The following MTUS1 variants were observed in gnomAD, a reference collection of about 807,000 sequenced individuals.
The protein encoded by MTUS1 is microtubule-associated tumor suppressor 1.
MTUS1 carries 109 observed loss-of-function variants against 120.8 expected under a neutral mutation model. The ratio of observed to expected loss-of-function variants is 0.90; its 90% CI spans 0.77 to 1.06. The LOEUF (loss-of-function observed/expected upper bound fraction) is 1.06, where lower values mean the gene tolerates loss of function less well. MTUS1 is among the 50% of genes least tolerant of loss of function. MTUS1 has a pLI of 0.00. For missense variants in MTUS1, 2,210 were observed against 1,486.3 expected, an observed-to-expected ratio of 1.49 and a Z score of -8.01; for synonymous variants, 737 against 550.5, an observed-to-expected ratio of 1.34 and a Z score of -4.74.
At chr8:17,792,772 G>C (rs1251041119) in intron 1 of MTUS1, among the ~76,000 whole-genome samples, 1 of 152,196 alleles carries the variant, frequency 6.6e-6, no homozygotes, top group Non-Finnish European at 1.5e-5. Flanking sequence ...GCTATGGCAT[G>C]AGAATCACTT....
chr8:17,689,311 A>G (rs1205787305), intron 6 of MTUS1, among the ~76,000 whole-genome samples: 1 of 152,198 alleles, frequency 6.6e-6, no homozygotes, highest in East Asian at 1.9e-4. Context: ...TAAACTTTTC[A>G]TTACTATATT....
intron 2 of MTUS1, among the ~76,000 whole-genome samples, chr8:17,746,142 C>T (rs1161969555): frequency 6.6e-6 from 1 of 152,108 alleles, no homozygotes; most frequent in Non-Finnish European, 1.5e-5. Flanking sequence ...TGAGAACAGA[C>T]TGATACAGCT....
chr8:17,666,010 C>G (rs761681310), intron 8 of MTUS1, among the ~76,000 whole-genome samples: 1 of 152,042 alleles, frequency 6.6e-6, no homozygotes, highest in Non-Finnish European at 1.5e-5. Flanking sequence ...TGTTCCTCCT[C>G]CCACCCTTGA....
chr8:17,644,446 G>A lies in MTUS1; in HGVS notation c.*1480C>T. 6.6e-6 allele frequency: 1 copy of A among 152,550 alleles called. No individual in the cohort carries two copies. The highest frequency in any genetic ancestry group is 1.9e-4 in the East Asian group (1 of 5,184). 9.4% of individuals were successfully genotyped at this position (152,550 alleles called of 1,614,324 possible). ...CAATGTTGACACATGCAGGGAGGGG[G>A]AGATAAAGCAACAGTTCTTCCTTCC... On this transcript the variant is annotated 3_prime_UTR_variant, in exon 15 of 15. Transcript: ENST00000693296.
chr8:17,665,184 G>C (rs754620638), intron 8 of MTUS1, among the ~76,000 whole-genome samples: 3 of 152,200 alleles, frequency 2.0e-5, no homozygotes, highest in Non-Finnish European at 2.9e-5. Context: ...ACAAGTGGTA[G>C]ACCAGGTTCT....
chr8:17,652,960 G>C (rs1563566645), intron 12 of MTUS1, among the ~76,000 whole-genome samples: 1 of 151,616 alleles, frequency 6.6e-6, no homozygotes, highest in Non-Finnish European at 1.5e-5. Context: ...TTTTAGCTTA[G>C]ACCACCAGAA....
intron 1 of MTUS1, among the ~76,000 whole-genome samples, chr8:17,791,878 T>C (rs2131586112): frequency 6.6e-6 from 1 of 152,296 alleles, no homozygotes; most frequent in Middle Eastern, 3.4e-3. Flanking sequence ...GGAAGGTTAT[T>C]AGCACCCATT....
At chr8:17,692,044 A>T (rs1010646685) in intron 6 of MTUS1, 3 of 152,238 alleles carry the variant, frequency 2.0e-5, no homozygotes, top group African/African-American at 7.2e-5. Context: ...CAAAACGCAT[A>T]GAATAGAGAA....
rs1203467811 is a variant in MTUS1 at position 17,715,871 on chromosome 8, T to G, written c.2480A>C (p.Glu827Ala). 6.2e-7 allele frequency: 1 copy of G among 1,613,746 alleles called. No homozygotes were observed. Among genetic ancestry groups the G allele is most frequent in the Non-Finnish European group, 8.5e-7 (1 of 1,179,928 alleles). ...SGNAAVIKYE[E>A]KPPKPAFQNG... is the part of the protein sequence containing the mutation. ...CTGAAATGCTGGTTTTGGAGGTTTC[T>G]CCTCATATTTGATGACAGCGGCATT... Residue 827 changes from glutamate to alanine, a missense_variant, in exon 5 of 15, where the codon GAG becomes GCG. By Grantham distance (107) the Glu-to-Ala change is moderately radical. Coordinates refer to ENST00000693296, the MANE Select transcript of MTUS1 (RefSeq NM_001363059.2).
chr8:17,768,450 A>G (rs1312667408), intron 1 of MTUS1, among the ~76,000 whole-genome samples: 3 of 152,206 alleles, frequency 2.0e-5, no homozygotes, highest in African/African-American at 4.8e-5. Flanking sequence ...GCTTCTTTCT[A>G]AAACACACAC....
At chr8:17,734,468 C>G (rs559659807) in intron 3 of MTUS1, among the ~76,000 whole-genome samples, 1 of 151,820 alleles carries the variant, frequency 6.6e-6, no homozygotes, top group Non-Finnish European at 1.5e-5. Flanking sequence ...GCAAAAAGTC[C>G]CACAAAGGGA....
At chr8:17,693,915 T>A (rs553311770) in intron 6 of MTUS1, among the ~76,000 whole-genome samples, 3 of 152,264 alleles carry the variant, frequency 2.0e-5, no homozygotes, top group Admixed American at 6.5e-5. Flanking sequence ...TAATCTGTAA[T>A]GTGAAAGACA....
intron 1 of MTUS1, among the ~76,000 whole-genome samples, chr8:17,794,805 G>C (rs561017091): frequency 6.6e-6 from 1 of 152,312 alleles, no homozygotes; most frequent in African/African-American, 2.4e-5. Context: ...TGACACAGAG[G>C]TCAGGGGAAG....
chr8:17,700,843 A>C (rs1042266687), intron 6 of MTUS1, among the ~76,000 whole-genome samples: 6 of 152,208 alleles, frequency 3.9e-5, no homozygotes, highest in African/African-American at 1.2e-4. Context: ...CTTAAATAAC[A>C]AAAGAGGATG....
intron 1 of MTUS1, among the ~76,000 whole-genome samples, chr8:17,798,683 C>T (rs1401131043): frequency 6.6e-6 from 1 of 151,988 alleles, no homozygotes; most frequent in Non-Finnish European, 1.5e-5. Flanking sequence ...TCTGAAGCTA[C>T]GATTTAGAAG....
At chr8:17,795,785 C>T (rs1042378086) in intron 1 of MTUS1, among the ~76,000 whole-genome samples, 1 of 150,114 alleles carries the variant, frequency 6.7e-6, no homozygotes, top group Non-Finnish European at 1.5e-5. Context: ...GATATAAGCA[C>T]CCACCACCAC....
At position 17,684,438 on chromosome 8, in the gene MTUS1, T is replaced by C; in HGVS notation, c.2728A>G (p.Thr910Ala). 6.2e-7 allele frequency: 1 copy of C among 1,614,178 alleles called. No individual in the cohort carries two copies. The highest frequency in any genetic ancestry group is 8.5e-7 in the Non-Finnish European group (1 of 1,180,010). The stretch of plus-strand genomic sequence containing the variant: ...AATCCACTTTGGTTTTCACATTTTG[T>C]TTTATATTGCGTCAATTCAAGTGTT... ...EKTLELTQYK[T>A]KCENQSGFIL... Residue 910 changes from threonine (T) to alanine (A), a missense_variant, in exon 7 of 15, where the codon ACA (threonine) becomes GCA (alanine). Transcript: ENST00000693296.
chr8:17,694,030 C>T (rs577687713), intron 6 of MTUS1, among the ~76,000 whole-genome samples: 4 of 152,216 alleles, frequency 2.6e-5, no homozygotes, highest in African/African-American at 9.6e-5. Flanking sequence ...TCCTATTTGG[C>T]TACTTTTGAC....
chr8:17,763,795 G>A (rs760076905), intron 1 of MTUS1, among the ~76,000 whole-genome samples: 1 of 152,184 alleles, frequency 6.6e-6, no homozygotes, highest in Non-Finnish European at 1.5e-5. Context: ...GTGTTTTGCA[G>A]GTAATGCTGT....
Sources: allele counts gnomAD v4.1 joint callset (sites outside exome capture counted in the v4.1 genomes callset), GRCh38; gene constraint gnomAD v4.1.1; transcripts MANE v1.5; gene names NCBI Gene and HGNC (gene_info 2026-07-23, HGNC 2026-07-21).